Variants in MAGI2 observed in about 807,000 individuals in gnomAD.
MAGI2 encodes membrane-associated guanylate kinase, WW and PDZ domain-containing protein 2.
Under a neutral mutation model 133.3 loss-of-function variants are expected in MAGI2, and 35 were observed. The observed-to-expected ratio is 0.26, with a 90% CI of 0.20 to 0.35. The LOEUF (loss-of-function observed/expected upper bound fraction) is 0.35. Ranked by LOEUF, MAGI2 falls within the 10% of genes least tolerant of loss-of-function variation. The probability of loss-of-function intolerance (pLI) is 1.00; values close to 1 mark genes in which losing one functional copy is unlikely to be tolerated. For missense variants in MAGI2, 1,636 were observed against 1,863.4 expected, an observed-to-expected ratio of 0.88 and a Z score of 2.25; for synonymous variants, 729 against 710.6, an observed-to-expected ratio of 1.03 and a Z score of -0.41.
chr7:78,609,340 AG>A (rs768943746), intron 3 of MAGI2, among the ~76,000 whole-genome samples: 2 of 152,210 alleles, frequency 1.3e-5, no homozygotes, highest in Non-Finnish European at 1.5e-5. Flanking sequence ...GACAATAATA[AG>A]GTCATAATTA....
At chr7:78,403,462 G>A (rs1428612903) in intron 6 of MAGI2, among the ~76,000 whole-genome samples, 2 of 152,116 alleles carry the variant, frequency 1.3e-5, no homozygotes, top group South Asian at 2.1e-4. Flanking sequence ...ATAAACATAC[G>A]TGTGCATGTG....
At chr7:78,055,409 T>C (rs1280298412) in intron 21 of MAGI2, among the ~76,000 whole-genome samples, 2 of 152,230 alleles carry the variant, frequency 1.3e-5, no homozygotes, top group Non-Finnish European at 2.9e-5. Flanking sequence ...TCAGTGTGCT[T>C]CTGAGTCAGA....
chr7:78,383,832 A>G (rs1387608397), intron 6 of MAGI2, among the ~76,000 whole-genome samples: 1 of 152,020 alleles, frequency 6.6e-6, no homozygotes, highest in African/African-American at 2.4e-5. Context: ...TTTTCCCAGC[A>G]CTATGTATTG....
chr7:78,505,591 T>C (rs1404216088), intron 4 of MAGI2, among the ~76,000 whole-genome samples: 1 of 152,240 alleles, frequency 6.6e-6, no homozygotes, highest in Non-Finnish European at 1.5e-5. Flanking sequence ...TCTGAACATG[T>C]TCAGTTATAC....
At chr7:79,205,577 A>C (rs1828975398) in intron 1 of MAGI2, among the ~76,000 whole-genome samples, 1 of 151,960 alleles carries the variant, frequency 6.6e-6, no homozygotes, top group African/African-American at 2.4e-5. Context: ...AGTAAGCACA[A>C]GTCAAATTTA....
At chr7:78,898,635 A>C (rs1184213539) in intron 2 of MAGI2, among the ~76,000 whole-genome samples, 3 of 152,118 alleles carry the variant, frequency 2.0e-5, no homozygotes, top group African/African-American at 7.2e-5. Context: ...GGGGAACAAC[A>C]CACACTAGGG....
At chr7:79,411,907 T>A (rs1209483764) in intron 1 of MAGI2, 2 of 150,542 alleles carry the variant, frequency 1.3e-5, no homozygotes. Flanking sequence ...CAATTGAAAT[T>A]CAATTGAAAA....
chr7:79,291,492 C>T (rs1225430411), intron 1 of MAGI2, among the ~76,000 whole-genome samples: 1 of 152,140 alleles, frequency 6.6e-6, no homozygotes, highest in African/African-American at 2.4e-5. Flanking sequence ...AAATGCTAAA[C>T]TGTTTTCCAA....
At chr7:78,731,986 G>A (rs1821408163) in intron 2 of MAGI2, among the ~76,000 whole-genome samples, 1 of 151,864 alleles carries the variant, frequency 6.6e-6, no homozygotes, top group East Asian at 1.9e-4. Context: ...GGTGAAGGAA[G>A]AATAGATATT....
At chr7:78,552,329 A>T (rs1334593851) in intron 3 of MAGI2, among the ~76,000 whole-genome samples, 2 of 151,850 alleles carry the variant, frequency 1.3e-5, no homozygotes, top group Non-Finnish European at 2.9e-5. Flanking sequence ...GATTACAGGC[A>T]TGCATCACCA....
chr7:78,630,679 T>G (rs1313055296), intron 2 of MAGI2, among the ~76,000 whole-genome samples: 1 of 152,108 alleles, frequency 6.6e-6, no homozygotes, highest in Non-Finnish European at 1.5e-5. Context: ...CCTCCCAAAG[T>G]GCTGTGATTA....
At chr7:79,170,793 A>C (rs939781565) in intron 1 of MAGI2, among the ~76,000 whole-genome samples, 3 of 152,128 alleles carry the variant, frequency 2.0e-5, no homozygotes, top group Non-Finnish European at 1.5e-5. Flanking sequence ...GGGGTTTGTC[A>C]GGAGTGTTAT....
chr7:78,978,279 A>G (rs932613336), intron 2 of MAGI2, among the ~76,000 whole-genome samples: 1 of 151,888 alleles, frequency 6.6e-6, no homozygotes, highest in African/African-American at 2.4e-5. Context: ...ATGCCCTTCC[A>G]TAGCTGAATA....
chr7:78,302,662 C>T (rs1391119884), intron 9 of MAGI2, among the ~76,000 whole-genome samples: 1 of 152,130 alleles, frequency 6.6e-6, no homozygotes, highest in East Asian at 1.9e-4. Flanking sequence ...TCAGGCACTG[C>T]CCCTGGTGCT....
chr7:79,050,706 T>A (rs1276852933), intron 1 of MAGI2, among the ~76,000 whole-genome samples: 1 of 152,170 alleles, frequency 6.6e-6, no homozygotes, highest in South Asian at 2.1e-4. Flanking sequence ...CTCGAAAAAA[T>A]TTTTCTCCTA....
chr7:78,148,142 G>T (rs1823505008), intron 16 of MAGI2, among the ~76,000 whole-genome samples: 1 of 152,136 alleles, frequency 6.6e-6, no homozygotes, highest in Non-Finnish European at 1.5e-5. Flanking sequence ...CTACCAAAAT[G>T]CCCCTCAACT....
intron 2 of MAGI2, among the ~76,000 whole-genome samples, chr7:78,849,551 A>G (rs1192980608): frequency 6.6e-6 from 1 of 151,958 alleles, no homozygotes; most frequent in African/African-American, 2.4e-5. Context: ...AAATAGGGGA[A>G]AAAAATGGTT....
intron 3 of MAGI2, among the ~76,000 whole-genome samples, chr7:78,522,784 C>A (rs1372734601): frequency 6.6e-6 from 1 of 152,132 alleles, no homozygotes; most frequent in Non-Finnish European, 1.5e-5. Context: ...AATCTTATAG[C>A]ACCAACTTTG....
intron 1 of MAGI2, among the ~76,000 whole-genome samples, chr7:79,153,337 C>T (rs1461181080): frequency 1.3e-5 from 2 of 152,134 alleles, no homozygotes; most frequent in Non-Finnish European, 2.9e-5. Context: ...GAGCAGCAGA[C>T]CTATAGCCTG....
Sources: allele counts gnomAD v4.1 joint callset (sites outside exome capture counted in the v4.1 genomes callset), GRCh38; gene constraint gnomAD v4.1.1; transcripts MANE v1.5; gene names NCBI Gene and HGNC (gene_info 2026-07-23, HGNC 2026-07-21).